Variants in CYP17A1 observed in about 807,000 individuals in gnomAD.
The protein encoded by CYP17A1 is cytochrome P450 family 17 subfamily A member 1.
Under a neutral mutation model 38.5 loss-of-function variants are expected in CYP17A1, and 27 were observed. The ratio of observed to expected loss-of-function variants is 0.70; its 90% confidence interval spans 0.52 to 0.97. The LOEUF is 0.97. Ranked by LOEUF, CYP17A1 falls within the 50% of genes least tolerant of loss-of-function variation. The pLI, the probability that CYP17A1 is intolerant of heterozygous loss-of-function variation, is 0.00. For synonymous variants in CYP17A1, 263 were observed against 253.3 expected, an observed-to-expected ratio of 1.04 and a Z score of -0.36; for missense variants, 549 against 645.9, an observed-to-expected ratio of 0.85 and a Z score of 1.63.
rs763145133 is a variant in CYP17A1, at chr10:102,837,134, G to A, written c.228C>T (p.Val76=). 18 of 1,598,034 alleles carry A rather than the reference G, an allele frequency of 1.1e-5. No individual in the cohort carries two copies. The highest frequency in any genetic ancestry group is 6.7e-5 in the East Asian group (3 of 44,806). ...VRMGTKTTVI[V]GHHQLAKEVL... ...CCTCCTTGGCCAGCTGGTGGTGGCC[G>A]ACAATCACTGTAGTCTTGGTGCCCA... The change falls in exon 1 of 8, where the codon GTC becomes GTT. Residue 76 remains valine, a synonymous_variant. Transcript: ENST00000369887.
intron 1 of CYP17A1, 149 bp from the exon 2 acceptor site, chr10:102,835,541 C>T: frequency 1.3e-6 from 1 of 756,948 alleles, no homozygotes; most frequent in South Asian, 1.4e-5. Context: ...TGCACTCCAC[C>T]ATGACTGCAA....
chr10:102,835,243 C>G lies in CYP17A1; in HGVS notation c.436+11G>C. The G allele has an allele frequency of 6.2e-7, 1 of 1,611,730 alleles. No individual in the cohort carries two copies. Among genetic ancestry groups the G allele is most frequent in the African/African-American group, 1.3e-5 (1 of 74,984 alleles). On this transcript the variant is annotated intron_variant, in intron 2 of 7. Transcript: ENST00000369887. ...TCCAGCCCCAGCCCCAGGGGCCAGCCTGGCACTCACTGATCTTCTCCAGCT... is the reference window on the plus strand; with the variant it reads ...TCCAGCCCCAGCCCCAGGGGCCAGCGTGGCACTCACTGATCTTCTCCAGCT...
Position 102,837,299 on chromosome 10 carries a change from C to T in CYP17A1, c.63G>A (p.Arg21=). 6.2e-7 allele frequency: 1 copy of T among 1,610,504 alleles called. No homozygotes were observed. ...TLAYLFWPKR[R]CPGAKYPKSL... ...TCTTGGGGTACTTGGCACCAGGGCA[C>T]CTTCTCTTGGGCCAAAACAAATAAG... Residue 21 remains arginine (R), a synonymous_variant, in exon 1 of 8, where the codon AGG becomes AGA. Coordinates refer to ENST00000369887, the MANE Select transcript of CYP17A1 (RefSeq NM_000102.4).
intron 7 of CYP17A1, 94 bp from the exon 8 acceptor site, chr10:102,831,079 AGGG>A: frequency 1.1e-6 from 1 of 911,926 alleles, no homozygotes; most frequent in Non-Finnish European, 1.8e-6. Context: ...GGCCCTGCCC[AGGG>A]AACCCTGATC....
intron 4 of CYP17A1, 175 bp from the exon 5 acceptor site, chr10:102,833,383 A>C: frequency 7.7e-7 from 1 of 1,292,684 alleles, no homozygotes. Context: ...GCCCTCTTTA[A>C]ATTTGGTGGA....
In CYP17A1 at chr10:102,830,909, G is replaced by A; in HGVS notation, c.1320C>T (p.Arg440=). ...VSYLPFGAGP[R]SCIGEILARQ... ...GGGCCAGGATCTCACCTATACAGGA[G>A]CGAGGTCCTGCTCCGAAGGGCAAAT... Residue 440 remains arginine, a synonymous_variant, in exon 8 of 8, where the codon CGC becomes CGT. Coordinates refer to ENST00000369887, the MANE Select transcript of CYP17A1 (RefSeq NM_000102.4). The surrounding 1 kb of genome is among the most constrained non-coding windows in gnomAD (Gnocchi z 4.1). 1 of 1,572,502 alleles carries A rather than the reference G, an allele frequency of 6.4e-7. No individual in the cohort carries two copies. The highest frequency in any genetic ancestry group is 8.7e-7 in the Non-Finnish European group (1 of 1,153,706).
In CYP17A1 at chr10:102,830,644, T is replaced by C; in HGVS notation, c.*58A>G. 1 of 938,356 alleles carries C rather than the reference T, an allele frequency of 1.1e-6. No individual in the cohort carries two copies. Among genetic ancestry groups the C allele is most frequent in the Non-Finnish European group, 1.7e-6 (1 of 583,590 alleles). The allele number at this position is 938,356 out of a possible 1,614,324, so 58.1% of individuals were successfully genotyped here. On this transcript the variant is annotated 3_prime_UTR_variant, in exon 8 of 8. Coordinates refer to ENST00000369887, the MANE Select transcript of CYP17A1 (RefSeq NM_000102.4). The surrounding 1 kb of genome is among the most constrained non-coding windows in gnomAD (Gnocchi z 4.1). ...TGGCGGAGAAGGGTGGGGGGTTGTA[T>C]CTCTAAATCTGTGTTGTGGGGCCAC...
At chr10:102,832,817 G>A (rs948049750) in intron 5 of CYP17A1, 137 bp from the exon 6 acceptor site, 437 of 1,394,740 alleles carry the variant, frequency 3.1e-4, no homozygotes, top group Non-Finnish European at 4.3e-4. Context: ...GCCCAGGCCC[G>A]GCTTCCAGAA....
At position 102,835,281 on chromosome 10, in the gene CYP17A1, C is replaced by T. The variant is rs1192632122; in HGVS notation, c.409G>A (p.Asp137Asn). ...ATCTTCTCCAGCTTCTGATCGCCATCCTTGAACAGGGCAAAGGTGGCCATC... is the reference window on the plus strand; with the variant it reads ...ATCTTCTCCAGCTTCTGATCGCCATTCTTGAACAGGGCAAAGGTGGCCATC... ...LAMATFALFK[D>N]GDQKLEKIIC... is the part of the protein sequence containing the mutation. Residue 137 changes from aspartate to asparagine, a missense_variant, in exon 2 of 8, where the codon GAT becomes AAT. This residue lies in a region of CYP17A1 where 289 missense variants were observed against 320.9 expected (regional missense o/e 0.90). Coordinates refer to ENST00000369887, the MANE Select transcript of CYP17A1 (RefSeq NM_000102.4). 6.2e-7 allele frequency: 1 copy of T among 1,613,816 alleles called. No homozygotes were observed. Among genetic ancestry groups the T allele is most frequent in the Admixed American group, 1.7e-5 (1 of 60,028 alleles).
chr10:102,831,267 G>C (rs1005579871), intron 7 of CYP17A1, among the ~76,000 whole-genome samples: 7 of 152,250 alleles, frequency 4.6e-5, no homozygotes, highest in Non-Finnish European at 1.0e-4. Context: ...CTTAATGGCA[G>C]ACAGAGGCGT....
In CYP17A1 at chr10:102,834,840, C is replaced by G. The variant is rs765148467; in HGVS notation, c.611G>C (p.Gly204Ala). 3.1e-6 allele frequency: 5 copies of G among 1,614,066 alleles called. No individual in the cohort carries two copies. The highest frequency in any genetic ancestry group is 4.2e-6 in the Non-Finnish European group (5 of 1,180,034). ...GTCTTTGCTCAGGTTGTCTATGATG[C>G]CTTCATTGTAATTCTGTATGACATT... ...ELNVIQNYNE[G>A]IIDNLSKDSL... The change falls in exon 3 of 8, where the codon GGC becomes GCC. Residue 204 changes from glycine to alanine, a missense_variant. This residue lies in a region of CYP17A1 where 289 missense variants were observed against 320.9 expected (regional missense o/e 0.90). Coordinates refer to ENST00000369887, the MANE Select transcript of CYP17A1 (RefSeq NM_000102.4).
At chr10:102,836,903 G>C (rs60315351) in intron 1 of CYP17A1, 162 bp downstream of exon 1, 567 of 686,414 alleles carry the variant, frequency 8.3e-4, no homozygotes, top group African/African-American at 7.5e-3. Flanking sequence ...TAGAGGCTGG[G>C]TGGGGGTCTG....
rs1267881361 is a variant in CYP17A1, at chr10:102,832,102, C to T, written c.1139+409G>A. Among the ~76,000 whole-genome samples, 4 of 151,904 alleles carry T rather than the reference C, an allele frequency of 2.6e-5. No individual in the cohort carries two copies. The East Asian group carries it at 7.8e-4, about 29-fold the overall frequency. Reference sequence around the variant, plus strand: ...TTAATTATTTATTTTGAGACAGAGTCCCGCTCTGTCACCCAGGCTGGAGTG... The same window carrying T: ...TTAATTATTTATTTTGAGACAGAGTTCCGCTCTGTCACCCAGGCTGGAGTG... On this transcript the variant is annotated intron_variant, in intron 6 of 7. Coordinates refer to ENST00000369887, the MANE Select transcript of CYP17A1 (RefSeq NM_000102.4).
In CYP17A1 at chr10:102,830,989, C is replaced by T. The variant is rs1456936196; in HGVS notation, c.1244-4G>A. 1 of 1,563,808 alleles carries T rather than the reference C, an allele frequency of 6.4e-7. No homozygotes were observed. Among genetic ancestry groups the T allele is most frequent in the South Asian group, 1.2e-5 (1 of 85,696 alleles). On this transcript the variant is annotated splice_region_variant and splice_polypyrimidine_tract_variant and intron_variant, in intron 7 of 7. Transcript: ENST00000369887. The surrounding 1 kb of genome is among the most constrained non-coding windows in gnomAD (Gnocchi z 4.1). ...CCCGCTGGATTCAAGAAACGCTCTGCAGGCAAGGAGTGGCATCAGCCAGGG... is the reference window on the plus strand; with the variant it reads ...CCCGCTGGATTCAAGAAACGCTCTGTAGGCAAGGAGTGGCATCAGCCAGGG...
In CYP17A1 at chr10:102,831,591, T is replaced by C. The variant is rs1590202693; in HGVS notation, c.1160A>G (p.Asp387Gly). The C allele has an allele frequency of 1.2e-6, 2 of 1,613,894 alleles. No homozygotes were observed. Among genetic ancestry groups the C allele is most frequent in the Non-Finnish European group, 1.7e-6 (2 of 1,180,022 alleles). Reference protein sequence around the residue: ...VDSSIGEFAVDKGTEVIINLW... With the variant: ...VDSSIGEFAVGKGTEVIINLW... The stretch of plus-strand genomic sequence containing the variant: ...ATTGATGATAACTTCTGTGCCCTTG[T>C]CCACAGCAAACTCACCGATGCTGCT... Residue 387 changes from aspartate to glycine, a missense_variant, in exon 7 of 8, where the codon GAC (aspartate) becomes GGC (glycine). Physicochemically the swap from Asp to Gly is moderately conservative, Grantham distance 94 (BLOSUM62 -1). Coordinates refer to ENST00000369887, the MANE Select transcript of CYP17A1 (RefSeq NM_000102.4).
Position 102,833,222 on chromosome 10 carries a change from G to C in CYP17A1, c.754-14C>G. The C allele has an allele frequency of 6.2e-7, 1 of 1,614,048 alleles. No homozygotes were observed. Among genetic ancestry groups the C allele is most frequent in the Non-Finnish European group, 8.5e-7 (1 of 1,180,012 alleles). On this transcript the variant is annotated splice_polypyrimidine_tract_variant and intron_variant, in intron 4 of 7. Transcript: ENST00000369887. ...CCGGAATTTCTCCTGGGTTGGGTGA[G>C]GTTGGGAGACATTAATAAGGAAGGA...
chr10:102,835,735 G>C, intron 1 of CYP17A1: 1 of 386,070 alleles, frequency 2.6e-6, no homozygotes. Context: ...AACTCTGGAT[G>C]GGATAAACTC....
At position 102,833,115 on chromosome 10, in the gene CYP17A1, C is replaced by G. The variant is rs746480412; in HGVS notation, c.847G>C (p.Asp283His). ...SDNGNAGPDQDSELLSDNHIL... is the reference protein window; with the variant it reads ...SDNGNAGPDQHSELLSDNHIL... ...TGGTTATCTGAAAGCAGCTCTGAGT[C>G]TTGATCTGGGCCAGCATTGCCATTA... The change falls in exon 5 of 8, where the codon GAC (aspartate) becomes CAC (histidine). Residue 283 changes from aspartate to histidine, a missense_variant. Physicochemically the swap from Asp to His is moderately conservative, Grantham distance 81. Transcript: ENST00000369887. The G allele has an allele frequency of 1.5e-5, 25 of 1,614,090 alleles. No homozygotes were observed. The Middle Eastern group carries it at 6.6e-4, about 42-fold the overall frequency.
chr10:102,832,323 C>T (rs1283980180), intron 6 of CYP17A1, among the ~76,000 whole-genome samples, 188 bp downstream of exon 6: 1 of 152,138 alleles, frequency 6.6e-6, no homozygotes, highest in Non-Finnish European at 1.5e-5. Context: ...CCACCCGCCT[C>T]GACCTCCCAA....
Sources: allele counts gnomAD v4.1 joint callset (sites outside exome capture counted in the v4.1 genomes callset), GRCh38; gene constraint gnomAD v4.1.1; regional missense constraint gnomAD v4.1.1; non-coding constraint Gnocchi (gnomAD v3.1); transcripts MANE v1.5; gene names NCBI Gene and HGNC (gene_info 2026-07-23, HGNC 2026-07-21).